Variants in NAV1 observed in about 807,000 individuals in gnomAD.
NAV1 encodes the protein neuron navigator 1, also known as pore membrane and/or filament interacting like protein 3.
In NAV1, 18 loss-of-function variants were observed where a neutral mutation model predicts 175.2. That is an observed-to-expected ratio of 0.10 (90% CI 0.07 to 0.15). The LOEUF is 0.15. Ranked by LOEUF, NAV1 falls within the 10% of genes least tolerant of loss-of-function variation. NAV1 has a pLI of 1.00. For missense variants in NAV1, 1,731 were observed against 2,436.6 expected (o/e 0.71, Z 6.10); for synonymous variants, 897 against 978.7 (o/e 0.92, Z 1.56).
chr1:201,729,082 C>T (rs190926099), intron 3 of NAV1, among the ~76,000 whole-genome samples: 340 of 152,362 alleles, frequency 2.2e-3, no homozygotes, highest in Admixed American at 6.0e-3. Context: ...CCCCCACCAG[C>T]TCTGCCCACC....
chr1:201,681,834 G>C (rs1433294312), intron 1 of NAV1, among the ~76,000 whole-genome samples: 1 of 152,136 alleles, frequency 6.6e-6, no homozygotes, highest in Non-Finnish European at 1.5e-5. Flanking sequence ...TTAGCCAAGG[G>C]CCGAGTGCTG....
intron 15 of NAV1, chr1:201,797,072 G>A (rs1053661547): frequency 3.9e-5 from 6 of 151,992 alleles, no homozygotes; most frequent in Admixed American, 6.6e-5. Flanking sequence ...GCCTAATCCA[G>A]GGTCATGAAG....
Position 201,807,627 on chromosome 1 carries a change from T to G in NAV1, c.3649-326T>G, listed in dbSNP as rs1416029053. Among the ~76,000 whole-genome samples the G allele has an allele frequency of 2.0e-5, 3 of 152,170 alleles. No homozygotes were observed. Among genetic ancestry groups the G allele is most frequent in the Non-Finnish European group, 4.4e-5 (3 of 68,014 alleles). On this transcript the variant is annotated intron_variant, in intron 17 of 29. Transcript: ENST00000367296. The surrounding 1 kb of genome is among the most constrained non-coding windows in gnomAD (Gnocchi z 5.4). ...CAGGAAGTTCCCATAGCCTACAACA[T>G]CAGCAAGCTAGAAGATTCTGTTCTT... is the stretch of plus-strand genomic sequence containing the variant.
intron 1 of NAV1, among the ~76,000 whole-genome samples, chr1:201,699,866 G>T (rs891338045): frequency 2.6e-5 from 4 of 152,214 alleles, no homozygotes; most frequent in Non-Finnish European, 4.4e-5. Flanking sequence ...AATAAATGAT[G>T]CTGGGAAAAC....
chr1:201,703,913 G>A (rs1165653232), intron 1 of NAV1, among the ~76,000 whole-genome samples: 3 of 152,210 alleles, frequency 2.0e-5, no homozygotes, highest in Admixed American at 6.5e-5. Context: ...AGAACACTGC[G>A]GAGGAGCAGA....
At chr1:201,708,440 G>GCGCACACACA (rs1553256953) in intron 1 of NAV1, among the ~76,000 whole-genome samples, 132 of 148,286 alleles carry the variant, frequency 8.9e-4, no homozygotes, top group African/African-American at 3.0e-3. Context: ...CTACTTGCGC[G>GCGCACACACA]CACACACACA....
intron 1 of NAV1, among the ~76,000 whole-genome samples, chr1:201,579,011 T>C (rs1432176674): frequency 6.6e-6 from 1 of 151,810 alleles, no homozygotes; most frequent in Non-Finnish European, 1.5e-5. Flanking sequence ...CACACACCTG[T>C]AATCCCAGCT....
chr1:201,618,027 G>A (rs924243805), upstream of NAV1, among the ~76,000 whole-genome samples: 1 of 145,226 alleles, frequency 6.9e-6, no homozygotes, highest in African/African-American at 2.8e-5. Context: ...GGCATGTCTA[G>A]GCCCCAGGAG....
intron 3 of NAV1, among the ~76,000 whole-genome samples, chr1:201,772,336 G>A (rs1485598078): frequency 6.6e-6 from 1 of 152,194 alleles, no homozygotes; most frequent in East Asian, 1.9e-4. Flanking sequence ...CAGATCCCTG[G>A]GATAATGCCA....
intron 1 of NAV1, among the ~76,000 whole-genome samples, chr1:201,699,516 C>T (rs1279222123): frequency 1.3e-5 from 2 of 152,162 alleles, no homozygotes; most frequent in African/African-American, 4.8e-5. Context: ...CCATACTGCC[C>T]AAGGTAATTT....
At chr1:201,583,989 C>T (rs1026976704) in intron 1 of NAV1, among the ~76,000 whole-genome samples, 2 of 152,214 alleles carry the variant, frequency 1.3e-5, no homozygotes, top group Admixed American at 6.5e-5. Flanking sequence ...ATTAAAGAAT[C>T]CAACTGGATC....
chr1:201,684,961 CAA>C (rs35153455), intron 1 of NAV1, among the ~76,000 whole-genome samples: 43 of 119,168 alleles, frequency 3.6e-4, no homozygotes, highest in South Asian at 8.4e-4. Flanking sequence ...GACTCTGTCT[CAA>C]AAAAAAAAAA....
At chr1:201,639,837 G>A (rs563497024) in intron 2 of NAV1, among the ~76,000 whole-genome samples, 37 of 152,178 alleles carry the variant, frequency 2.4e-4, no homozygotes, top group Admixed American at 3.3e-4. Context: ...TCAGGCTCTG[G>A]TCTTGTTTAC....
chr1:201,817,303 T>C lies in NAV1; in HGVS notation c.5538+18T>C. 1 of 1,611,824 alleles carries C rather than the reference T, an allele frequency of 6.2e-7. No homozygotes were observed. The highest frequency in any genetic ancestry group is 2.2e-5 in the East Asian group (1 of 44,866). ...ATCCTCTGGTGAGTAGAAGCCATTC[T>C]AGAGTAAAAATAAGACTATTATAGA... On this transcript the variant is annotated intron_variant, in intron 29 of 29. Transcript: ENST00000367296.
chr1:201,608,944 A>G (rs765442273), intron 2 of NAV1, among the ~76,000 whole-genome samples: 1 of 152,194 alleles, frequency 6.6e-6, no homozygotes, highest in Non-Finnish European at 1.5e-5. Context: ...GGACAGGGGA[A>G]CTCAGCTTTG....
At chr1:201,629,366 T>A (rs1402367440) in intron 1 of NAV1, 38 bp from the exon 4 acceptor site, 2 of 1,275,374 alleles carry the variant, frequency 1.6e-6, no homozygotes, top group Non-Finnish European at 2.1e-6. Context: ...GACCAGGACA[T>A]CTCTACCATG....
exon 1 of NAV1, chr1:201,648,512 TC>T (rs1669060090): frequency 2.1e-5 from 25 of 1,218,292 alleles, no homozygotes; most frequent in Non-Finnish European, 2.5e-5. Context: ...CCCTCCTCCC[TC>T]GCTCTCTCCC....
At chr1:201,623,046 C>T in exon 1 of NAV1, 2 of 985,976 alleles carry the variant, frequency 2.0e-6, no homozygotes, top group Non-Finnish European at 2.4e-6. Context: ...AGAGAGCAGC[C>T]TCCCCCAGAC....
chr1:201,786,570 C>T (rs150326699), exon 9 of NAV1: 2 of 1,613,174 alleles, frequency 1.2e-6, no homozygotes, highest in South Asian at 2.2e-5. Flanking sequence ...GCCAACTTAC[C>T]AACATAGGTT....
Sources: allele counts gnomAD v4.1 joint callset (sites outside exome capture counted in the v4.1 genomes callset), GRCh38; gene constraint gnomAD v4.1.1; non-coding constraint Gnocchi (gnomAD v3.1); transcripts MANE v1.5; gene names NCBI Gene and HGNC (gene_info 2026-07-23, HGNC 2026-07-21).